The following MAP2K6 variants were observed in gnomAD, a reference collection of about 807,000 sequenced individuals.
MAP2K6 encodes the protein dual specificity mitogen-activated protein kinase kinase 6.
A neutral mutation model predicts 53.7 loss-of-function variants in MAP2K6; 16 were observed. The ratio of observed to expected loss-of-function variants is 0.30; its 90% confidence interval spans 0.20 to 0.45. MAP2K6 has a LOEUF of 0.45. Among genes scored for constraint, MAP2K6 ranks in the 20% least tolerant of loss-of-function variants. MAP2K6 has a pLI of 1.00. For synonymous variants in MAP2K6, 132 were observed against 143.1 expected, an observed-to-expected ratio of 0.92 and a Z score of 0.55; for missense variants, 204 against 411.9, an observed-to-expected ratio of 0.50 and a Z score of 4.37.
chr17:69,477,422 C>G (rs957148812), intron 1 of MAP2K6: 1 of 152,172 alleles, frequency 6.6e-6, no homozygotes, highest in Non-Finnish European at 1.5e-5. Flanking sequence ...CTTCAGGTGT[C>G]GGAGAAGTCT....
chr17:69,535,495 G>A (rs959939977), intron 10 of MAP2K6, among the ~76,000 whole-genome samples: 1 of 152,086 alleles, frequency 6.6e-6, no homozygotes, highest in Non-Finnish European at 1.5e-5. Flanking sequence ...GGAGGCTGAG[G>A]CAGGAAGATC....
chr17:69,508,040 A>AGTT (rs1909606778), intron 2 of MAP2K6, among the ~76,000 whole-genome samples: 1 of 39,420 alleles, frequency 2.5e-5, no homozygotes, highest in Non-Finnish European at 5.1e-5. Flanking sequence ...ATATATATGT[A>AGTT]GTTTTTTTTT....
At chr17:69,438,359 T>A (rs1906713475) in intron 1 of MAP2K6, among the ~76,000 whole-genome samples, 1 of 152,182 alleles carries the variant, frequency 6.6e-6, no homozygotes, top group Non-Finnish European at 1.5e-5. Flanking sequence ...TCTGCTAAGC[T>A]CATTTACATG....
Position 69,516,917 on chromosome 17 carries a change from A to G in MAP2K6, c.132+14A>G. The G allele has an allele frequency of 1.3e-6, 2 of 1,570,042 alleles. No homozygotes were observed. The highest frequency in any genetic ancestry group is 1.1e-5 in the South Asian group (1 of 89,706). ...ATTGGAAATCAGGTAAGAAAAAATC[A>G]TGTCTGCCACCTAATACGTTGGCCA... On this transcript the variant is annotated intron_variant, in intron 3 of 11. Coordinates refer to ENST00000590474, the MANE Select transcript of MAP2K6 (RefSeq NM_002758.4).
intron 1 of MAP2K6, among the ~76,000 whole-genome samples, chr17:69,423,524 A>T (rs549524600): frequency 6.6e-6 from 1 of 152,270 alleles, no homozygotes; most frequent in Admixed American, 6.5e-5. Flanking sequence ...TCTCTTCATG[A>T]CAGAGCTCCC....
chr17:69,451,581 G>A (rs1303528601), intron 1 of MAP2K6, among the ~76,000 whole-genome samples: 1 of 152,212 alleles, frequency 6.6e-6, no homozygotes, highest in Non-Finnish European at 1.5e-5. Context: ...TTACTGGGGA[G>A]TGTTCTTGGG....
At chr17:69,497,934 C>T (rs1909008016) in intron 1 of MAP2K6, among the ~76,000 whole-genome samples, 1 of 152,036 alleles carries the variant, frequency 6.6e-6, no homozygotes, top group Non-Finnish European at 1.5e-5. Flanking sequence ...TCAAATACCA[C>T]TTCGTATGTG....
At chr17:69,445,084 C>T (rs562473798) in intron 1 of MAP2K6, among the ~76,000 whole-genome samples, 1 of 152,234 alleles carries the variant, frequency 6.6e-6, no homozygotes, top group Non-Finnish European at 1.5e-5. Flanking sequence ...CCAGGCCCGG[C>T]TAATTTTTGT....
chr17:69,447,073 G>A (rs1906993223), intron 1 of MAP2K6, among the ~76,000 whole-genome samples: 1 of 150,762 alleles, frequency 6.6e-6, no homozygotes, highest in South Asian at 2.1e-4. Context: ...CGCCTCCCAG[G>A]TTCAAGCAAT....
intron 1 of MAP2K6, among the ~76,000 whole-genome samples, chr17:69,458,492 G>A (rs951624134): frequency 1.3e-5 from 2 of 152,140 alleles, no homozygotes; most frequent in African/African-American, 2.4e-5. Flanking sequence ...CCACATTCCA[G>A]GGCAAATTTT....
At chr17:69,421,139 A>G (rs572554030) in intron 1 of MAP2K6, among the ~76,000 whole-genome samples, 2 of 152,330 alleles carry the variant, frequency 1.3e-5, no homozygotes, top group East Asian at 3.9e-4. Flanking sequence ...AGTATTTTTC[A>G]TCAGTAGGGA....
rs190715097 is a variant in MAP2K6, at chr17:69,444,381, C to T, written c.16+29381C>T. Among the ~76,000 whole-genome samples, 356 of 152,200 alleles carry T rather than the reference C, an allele frequency of 2.3e-3. 2 individuals are homozygous for T. The highest frequency in any genetic ancestry group is 3.2e-3 in the Non-Finnish European group (221 of 68,012). Reference sequence around the variant, plus strand: ...TCAATGAGTTTTTTGTTAAAAGAAACGAATTCTTACCAATTTTGGCAAGAA... The same window carrying T: ...TCAATGAGTTTTTTGTTAAAAGAAATGAATTCTTACCAATTTTGGCAAGAA... On this transcript the variant is annotated intron_variant, in intron 1 of 11. Coordinates refer to ENST00000590474, the MANE Select transcript of MAP2K6 (RefSeq NM_002758.4).
intron 1 of MAP2K6, among the ~76,000 whole-genome samples, chr17:69,458,757 C>A (rs1166590974): frequency 6.6e-6 from 1 of 152,128 alleles, no homozygotes; most frequent in Admixed American, 6.5e-5. Flanking sequence ...GCATCTGTGG[C>A]CTTTTCTAGT....
In MAP2K6 at chr17:69,472,830, C is replaced by T. The variant is rs1035103158; in HGVS notation, c.17-32950C>T. 2.6e-5 allele frequency among the ~76,000 whole-genome samples: 4 copies of T among 152,294 alleles called. No homozygotes were observed. In the East Asian group the frequency reaches 7.7e-4, roughly 29 times the overall value. ...CCTCCTGCCTCAGCCTCCTAAGTAG[C>T]TGGGACCACAGGCATGCGCCACCAT... is the stretch of plus-strand genomic sequence containing the variant. On this transcript the variant is annotated intron_variant, in intron 1 of 11. Coordinates refer to ENST00000590474, the MANE Select transcript of MAP2K6 (RefSeq NM_002758.4).
At chr17:69,520,570 G>A in intron 6 of MAP2K6, 184 bp downstream of exon 6, 1 of 553,364 alleles carries the variant, frequency 1.8e-6, no homozygotes. Flanking sequence ...GAAGATTCTA[G>A]CACTGCTTTG....
intron 1 of MAP2K6, among the ~76,000 whole-genome samples, chr17:69,470,641 G>T (rs1907956330): frequency 6.6e-6 from 1 of 152,214 alleles, no homozygotes; most frequent in South Asian, 2.1e-4. Context: ...TTTTGTCAAT[G>T]AAGTATGAAG....
chr17:69,428,858 GTTTTTGTTT>G (rs1341542036), intron 1 of MAP2K6, among the ~76,000 whole-genome samples: 1 of 77,618 alleles, frequency 1.3e-5, no homozygotes, highest in Non-Finnish European at 2.4e-5. Flanking sequence ...TTCTGTTTTT[GTTTTTGTTT>G]TTTTTTTTTT....
chr17:69,535,061 C>T (rs1219761410), intron 10 of MAP2K6, among the ~76,000 whole-genome samples: 1 of 150,788 alleles, frequency 6.6e-6, no homozygotes, highest in Non-Finnish European at 1.5e-5. Flanking sequence ...GTCTCTTCAT[C>T]TTACAGTTTT....
Position 69,551,102 on chromosome 17 carries a change from A to G in MAP2K6, c.*9349A>G, listed in dbSNP as rs1912080405. ...GTTGAGAATGACCTGATCTTTGTTCACCGTCTCAGTGACAAGGCGTGGAGT... is the reference window on the plus strand; with the variant it reads ...GTTGAGAATGACCTGATCTTTGTTCGCCGTCTCAGTGACAAGGCGTGGAGT... On this transcript the variant is annotated 3_prime_UTR_variant, in exon 12 of 12. Coordinates refer to ENST00000590474, the MANE Select transcript of MAP2K6 (RefSeq NM_002758.4). 6.6e-6 allele frequency: 1 copy of G among 152,206 alleles called. No homozygotes were observed. Among genetic ancestry groups the G allele is most frequent in the African/African-American group, 2.4e-5 (1 of 41,444 alleles). 9.4% of individuals were successfully genotyped at this position (152,206 alleles called of 1,614,324 possible).
Sources: gnomAD v4.1 joint callset for allele counts (sites outside exome capture counted in the v4.1 genomes callset) on GRCh38, gnomAD v4.1.1 for gene constraint, MANE v1.5 for transcripts, NCBI Gene and HGNC (gene_info 2026-07-23, HGNC 2026-07-21) for gene names.